The following PREX2 variants were observed in gnomAD, a reference collection of about 807,000 sequenced individuals.
The protein encoded by PREX2 is phosphatidylinositol-3,4,5-trisphosphate dependent Rac exchange factor 2, also known as phosphatidylinositol 3,4,5-trisphosphate-dependent Rac exchanger 2 protein.
A neutral mutation model predicts 203.2 loss-of-function variants in PREX2; 107 were observed. The observed-to-expected ratio is 0.53, with a 90% CI of 0.45 to 0.62. The LOEUF is 0.62. Ranked by LOEUF, PREX2 falls within the 20% of genes least tolerant of loss-of-function variation. PREX2 has a pLI of 0.00. For synonymous variants in PREX2, 672 were observed against 663.6 expected, an observed-to-expected ratio of 1.01 and a Z score of -0.19; for missense variants, 1,777 against 1,955.9, an observed-to-expected ratio of 0.91 and a Z score of 1.72.
At chr8:68,003,415 G>T (rs551993319) in intron 1 of PREX2, among the ~76,000 whole-genome samples, 1 of 152,176 alleles carries the variant, frequency 6.6e-6, no homozygotes, top group Non-Finnish European at 1.5e-5. Context: ...GAGGTTAAGG[G>T]TCTGGGGCCA....
At chr8:68,210,747 A>C (rs1447332511) in intron 37 of PREX2, among the ~76,000 whole-genome samples, 1 of 152,184 alleles carries the variant, frequency 6.6e-6, no homozygotes, top group Non-Finnish European at 1.5e-5. Context: ...TTTTAGAATA[A>C]AATGGTTGTT....
chr8:67,997,873 T>C (rs1806811600), intron 1 of PREX2, among the ~76,000 whole-genome samples: 1 of 152,228 alleles, frequency 6.6e-6, no homozygotes, highest in Non-Finnish European at 1.5e-5. Flanking sequence ...TATTGAGCTC[T>C]TCAATCCATG....
In PREX2 at chr8:68,057,373, C is replaced by T. The variant is rs553170552; in HGVS notation, c.1238+1399C>T. Among the ~76,000 whole-genome samples, 11 of 152,222 alleles carry T rather than the reference C, an allele frequency of 7.2e-5. No homozygotes were observed. The South Asian group carries it at 2.3e-3, about 32-fold the overall frequency. On this transcript the variant is annotated intron_variant, in intron 10 of 39. Coordinates refer to ENST00000288368, the MANE Select transcript of PREX2 (RefSeq NM_024870.4). ...ATAGTAGTGTGGGAATGGACTAATACACCCAGTCTCAGGGAAGTTCTTTAC... is the reference window on the plus strand; with the variant it reads ...ATAGTAGTGTGGGAATGGACTAATATACCCAGTCTCAGGGAAGTTCTTTAC...
intron 10 of PREX2, among the ~76,000 whole-genome samples, chr8:68,059,482 A>G (rs994171641): frequency 1.3e-5 from 2 of 152,220 alleles, no homozygotes; most frequent in East Asian, 1.9e-4. Context: ...AGTATTCCTT[A>G]TGGATGACAG....
At chr8:68,224,660 A>G (rs368358005) in intron 39 of PREX2, 34 bp downstream of exon 39, 2 of 1,547,178 alleles carry the variant, frequency 1.3e-6, no homozygotes, top group African/African-American at 2.7e-5. Flanking sequence ...CTTGCCCGAA[A>G]GATTTGCCAG....
At chr8:68,061,522 C>T (rs1451479647) in intron 11 of PREX2, among the ~76,000 whole-genome samples, 2 of 152,130 alleles carry the variant, frequency 1.3e-5, no homozygotes, top group South Asian at 4.2e-4. Flanking sequence ...ACAAGGTCTT[C>T]AGCAGGTCTG....
chr8:68,023,549 T>C (rs1404593930), intron 4 of PREX2, among the ~76,000 whole-genome samples: 1 of 152,152 alleles, frequency 6.6e-6, no homozygotes, highest in Non-Finnish European at 1.5e-5. Flanking sequence ...ATGCAAATAT[T>C]TCCTCTCAGT....
At chr8:68,160,056 T>C (rs1811625485) in intron 35 of PREX2, among the ~76,000 whole-genome samples, 1 of 152,226 alleles carries the variant, frequency 6.6e-6, no homozygotes, top group Non-Finnish European at 1.5e-5. Context: ...TTTAGTCCTC[T>C]ATTAGTTTAG....
intron 37 of PREX2, among the ~76,000 whole-genome samples, chr8:68,209,530 C>T (rs1377300971): frequency 6.6e-6 from 1 of 152,120 alleles, no homozygotes; most frequent in Non-Finnish European, 1.5e-5. Context: ...TACATAATCT[C>T]TGAAGCATGC....
chr8:68,113,615 C>T (rs2129612921), intron 25 of PREX2, among the ~76,000 whole-genome samples: 1 of 152,320 alleles, frequency 6.6e-6, no homozygotes, highest in Non-Finnish European at 1.5e-5. Flanking sequence ...TTCAATTTTT[C>T]ACTGGTGTCT....
intron 34 of PREX2, among the ~76,000 whole-genome samples, chr8:68,149,933 A>G (rs182559881): frequency 6.6e-6 from 1 of 152,364 alleles, no homozygotes; most frequent in East Asian, 1.9e-4. Context: ...CAGCATGTCT[A>G]GATTCTGGGG....
chr8:68,178,396 A>T (rs368139817), intron 35 of PREX2, among the ~76,000 whole-genome samples: 43 of 151,980 alleles, frequency 2.8e-4, no homozygotes, highest in African/African-American at 9.9e-4. Flanking sequence ...TTTTTTTCAT[A>T]GGCTTGTTGT....
intron 35 of PREX2, among the ~76,000 whole-genome samples, chr8:68,190,342 T>G (rs1812266948): frequency 6.6e-6 from 1 of 152,032 alleles, no homozygotes; most frequent in Admixed American, 6.6e-5. Flanking sequence ...ATGGTGAATT[T>G]GAATGTATTT....
intron 31 of PREX2, among the ~76,000 whole-genome samples, chr8:68,130,114 CAAAAA>C (rs71253064): frequency 2.9e-5 from 3 of 102,666 alleles, no homozygotes; most frequent in Non-Finnish European, 5.8e-5. Context: ...CCTGCCTCTG[CAAAAA>C]AAAAAAAAAA....
At chr8:68,111,999 C>G (rs1810545663) in intron 25 of PREX2, among the ~76,000 whole-genome samples, 2 of 152,104 alleles carry the variant, frequency 1.3e-5, no homozygotes, top group Non-Finnish European at 2.9e-5. Context: ...TGTGAAAGGT[C>G]CTGGGGTTGA....
chr8:68,002,086 C>CT (rs1310460608), intron 1 of PREX2, among the ~76,000 whole-genome samples: 2 of 76,886 alleles, frequency 2.6e-5, no homozygotes, highest in South Asian at 1.3e-3. Flanking sequence ...GTAAAATAAA[C>CT]TTAAAAAAAA....
rs67614434 is a variant in PREX2, at chr8:67,975,694, C to CTTTTTTTTTTTTTTT, written c.141+23172_141+23186dup. On this transcript the variant is annotated intron_variant, in intron 1 of 39. Transcript: ENST00000288368. ...TCAGGATAGTAACTGATTTCTCTTT[C>CTTTTTTTTTTTTTTT]TTTTTTTTTTTTTTTTTTTTTTTTT... is the stretch of plus-strand genomic sequence containing the variant. 1.3e-4 allele frequency among the ~76,000 whole-genome samples: 10 copies of CTTTTTTTTTTTTTTT among 75,014 alleles called. 2 individuals are homozygous for CTTTTTTTTTTTTTTT. The highest frequency in any genetic ancestry group is 3.0e-4 in the African/African-American group (5 of 16,860). The allele number at this position is 75,014 out of a possible 152,430, so 49.2% of individuals were successfully genotyped here.
rs147538692 is a variant in PREX2 at position 68,077,436 on chromosome 8, G to A, written c.1609G>A (p.Val537Ile). ...RTREEAMIFG[V>I]GLCDNGFMHH... ...CAGAGAAGAGGCAATGATATTTGGC[G>A]TTGGACTCTGTGACAATGGATTTAT... The change falls in exon 15 of 40, where the codon GTT becomes ATT. Residue 537 changes from valine to isoleucine, a missense_variant. Transcript: ENST00000288368. 702 of 1,613,746 alleles carry A rather than the reference G, an allele frequency of 4.4e-4. 2 individuals carry two copies. The African/African-American group carries it at 7.8e-3, about 18-fold the overall frequency.
chr8:68,071,014 T>C (rs575058230), intron 13 of PREX2, among the ~76,000 whole-genome samples: 1 of 152,306 alleles, frequency 6.6e-6, no homozygotes, highest in African/African-American at 2.4e-5. Context: ...TATTAAGTAC[T>C]TAATAGCAAT....
Sources: gnomAD v4.1 joint callset for allele counts (sites outside exome capture counted in the v4.1 genomes callset) on GRCh38, gnomAD v4.1.1 for gene constraint, MANE v1.5 for transcripts, NCBI Gene and HGNC (gene_info 2026-07-23, HGNC 2026-07-21) for gene names.